ATP2C1: variants seen among roughly 807,000 people sequenced by gnomAD.
The protein encoded by ATP2C1 is ATPase secretory pathway Ca2+ transporting 1.
ATP2C1 carries 31 observed loss-of-function variants against 120.5 expected under a neutral mutation model. The observed-to-expected ratio is 0.26, with a 90% CI of 0.19 to 0.35. The LOEUF (loss-of-function observed/expected upper bound fraction) is 0.35, where lower values mean the gene tolerates loss of function less well. ATP2C1 is among the 10% of genes least tolerant of loss of function. The pLI is 1.00. For synonymous variants in ATP2C1, 351 were observed against 358.7 expected (o/e 0.98, Z 0.24); for missense variants, 731 against 1,107.5 (o/e 0.66, Z 4.83).
At chr3:130,970,406 A>ACC (rs1553772643) in intron 17 of ATP2C1, among the ~76,000 whole-genome samples, 327 of 147,970 alleles carry the variant, frequency 2.2e-3, no homozygotes, top group Middle Eastern at 3.4e-3. Flanking sequence ...ACACACACAC[A>ACC]CCCTTAAACT....
intron 2 of ATP2C1, among the ~76,000 whole-genome samples, chr3:130,915,363 G>T (rs1357767245): frequency 6.6e-6 from 1 of 152,120 alleles, no homozygotes; most frequent in African/African-American, 2.4e-5. Flanking sequence ...CAAAATGCTG[G>T]AATTACAGGT....
At chr3:131,014,413 T>C (rs2063489594) in intron 26 of ATP2C1, 2 of 1,538,028 alleles carry the variant, frequency 1.3e-6, no homozygotes, top group Non-Finnish European at 1.7e-6. Flanking sequence ...AAAAAGTATG[T>C]TGTTAAAGAA....
chr3:130,859,994 T>C (rs562353446), intron 1 of ATP2C1, among the ~76,000 whole-genome samples: 10 of 152,372 alleles, frequency 6.6e-5, no homozygotes, highest in African/African-American at 2.4e-4. Context: ...TGTTCCTACA[T>C]TGTGGGGGCC....
chr3:131,012,228 A>G (rs1223958170), intron 26 of ATP2C1, among the ~76,000 whole-genome samples: 3 of 151,452 alleles, frequency 2.0e-5, no homozygotes, highest in Admixed American at 6.6e-5. Flanking sequence ...AGGATTTGAT[A>G]TAACAACGGT....
chr3:131,001,368 T>C lies in ATP2C1; in HGVS notation c.*18T>C. 2 of 1,611,246 alleles carry C rather than the reference T, an allele frequency of 1.2e-6. No homozygotes were observed. Among genetic ancestry groups the C allele is most frequent in the Non-Finnish European group, 1.7e-6 (2 of 1,178,382 alleles). ...AAGTATGATGCATATTGCATTATTT[T>C]ATTTGCAAACTAGGAATTGCAGTCT... On this transcript the variant is annotated 3_prime_UTR_variant, in exon 28 of 28. Coordinates refer to ENST00000510168, the MANE Select transcript of ATP2C1 (RefSeq NM_001378687.1).
chr3:131,015,156 C>T, intron 26 of ATP2C1: 1 of 697,648 alleles, frequency 1.4e-6, no homozygotes, highest in Non-Finnish European at 2.6e-6. Context: ...ATTAACAACA[C>T]TGTTTACTGC....
intron 20 of ATP2C1, among the ~76,000 whole-genome samples, chr3:130,989,255 A>AAC (rs1553778513): frequency 1.4e-5 from 2 of 147,120 alleles, no homozygotes; most frequent in African/African-American, 2.6e-5. Flanking sequence ...CTCAAAAAAA[A>AAC]AAAAAACAAA....
intron 1 of ATP2C1, among the ~76,000 whole-genome samples, chr3:130,877,810 A>G (rs2107800875): frequency 6.6e-6 from 1 of 152,314 alleles, no homozygotes; most frequent in Non-Finnish European, 1.5e-5. Context: ...AGGATTATAA[A>G]TCATGCTGCT....
At chr3:130,914,978 T>A (rs2058615146) in intron 2 of ATP2C1, among the ~76,000 whole-genome samples, 2 of 152,238 alleles carry the variant, frequency 1.3e-5, no homozygotes, top group Non-Finnish European at 2.9e-5. Context: ...TTGTTGAATC[T>A]TCTTTGACTT....
intron 1 of ATP2C1, among the ~76,000 whole-genome samples, chr3:130,875,393 CTTAT>C (rs1174592818): frequency 1.3e-5 from 2 of 152,064 alleles, no homozygotes; most frequent in Non-Finnish European, 2.9e-5. Flanking sequence ...CTTTTTGTGC[CTTAT>C]TTATTTCACT....
At chr3:130,992,114 TAGTG>T (rs1345428132) in intron 20 of ATP2C1, among the ~76,000 whole-genome samples, 1 of 152,156 alleles carries the variant, frequency 6.6e-6, no homozygotes, top group African/African-American at 2.4e-5. Context: ...TGCTTACAGT[TAGTG>T]AGTTACAGTC....
At chr3:131,008,324 G>A (rs961376052) in intron 26 of ATP2C1, among the ~76,000 whole-genome samples, 1 of 151,800 alleles carries the variant, frequency 6.6e-6, no homozygotes, top group African/African-American at 2.4e-5. Flanking sequence ...CTTCTTGGGA[G>A]GCTGAGAACC....
chr3:130,998,472 G>A, intron 26 of ATP2C1, 83 bp downstream of exon 26: 1 of 1,064,956 alleles, frequency 9.4e-7, no homozygotes, highest in Non-Finnish European at 1.5e-6. Flanking sequence ...AAGATTATGG[G>A]TTTTTAGCTT....
intron 1 of ATP2C1, among the ~76,000 whole-genome samples, chr3:130,871,201 T>G (rs1270492835): frequency 6.6e-6 from 1 of 152,256 alleles, no homozygotes; most frequent in Non-Finnish European, 1.5e-5. Flanking sequence ...TTGTGTGACT[T>G]TCTGTATTGT....
chr3:130,971,129 A>G (rs1345335732), intron 17 of ATP2C1, among the ~76,000 whole-genome samples: 1 of 152,220 alleles, frequency 6.6e-6, no homozygotes, highest in East Asian at 1.9e-4. Context: ...AAGCATATGC[A>G]TATGACTTTT....
chr3:131,001,213 C>T lies in ATP2C1; in HGVS notation c.2630-7C>T. On this transcript the variant is annotated splice_region_variant and splice_polypyrimidine_tract_variant and intron_variant, in intron 27 of 27. Transcript: ENST00000510168. The stretch of plus-strand genomic sequence containing the variant: ...AAATGTAAAACCCAACTTATTTTCT[C>T]TTGCAGATCTGTTGTTTCTTTTGGG... 1 of 1,604,546 alleles carries T rather than the reference C, an allele frequency of 6.2e-7. No individual in the cohort carries two copies. The highest frequency in any genetic ancestry group is 8.5e-7 in the Non-Finnish European group (1 of 1,174,290).
At chr3:130,999,022 A>G (rs1365177801) in intron 26 of ATP2C1, among the ~76,000 whole-genome samples, 6 of 152,140 alleles carry the variant, frequency 3.9e-5, no homozygotes, top group Admixed American at 2.0e-4. Flanking sequence ...CTATATTACC[A>G]TTTGCCATGC....
chr3:130,905,812 G>A (rs1171121609), intron 2 of ATP2C1, among the ~76,000 whole-genome samples: 1 of 152,068 alleles, frequency 6.6e-6, no homozygotes, highest in African/African-American at 2.4e-5. Flanking sequence ...AGCAGTTAAA[G>A]GACATGTGCT....
At chr3:130,857,867 G>A (rs1307328490) in intron 1 of ATP2C1, among the ~76,000 whole-genome samples, 4 of 152,152 alleles carry the variant, frequency 2.6e-5, no homozygotes, top group Non-Finnish European at 4.4e-5. Flanking sequence ...ACAATAGGCC[G>A]TTTGCAAGCT....
Sources: allele counts gnomAD v4.1 joint callset (sites outside exome capture counted in the v4.1 genomes callset), GRCh38; gene constraint gnomAD v4.1.1; transcripts MANE v1.5; gene names NCBI Gene and HGNC (gene_info 2026-07-23, HGNC 2026-07-21).